Variants in CLPB observed in about 807,000 individuals in gnomAD.
The protein encoded by CLPB is mitochondrial disaggregase.
CLPB carries 40 observed loss-of-function variants against 78.4 expected under a neutral mutation model. That is an observed-to-expected ratio of 0.51 (90% CI 0.40 to 0.66). The LOEUF is 0.66. Ranked by LOEUF, CLPB falls within the 30% of genes least tolerant of loss-of-function variation. The pLI is 0.00. For synonymous variants in CLPB, 333 were observed against 348.0 expected (o/e 0.96, Z 0.48); for missense variants, 780 against 886.9 (o/e 0.88, Z 1.53).
chr11:72,433,670 C>G (rs1037440583), intron 1 of CLPB, among the ~76,000 whole-genome samples: 1 of 152,018 alleles, frequency 6.6e-6, no homozygotes, highest in Non-Finnish European at 1.5e-5. Context: ...TAGGGGGGAG[C>G]GGTTTGGCAA....
At chr11:72,426,102 C>G (rs1030386868) in intron 2 of CLPB, among the ~76,000 whole-genome samples, 10 of 152,210 alleles carry the variant, frequency 6.6e-5, no homozygotes, top group African/African-American at 2.4e-4. Flanking sequence ...GGCAGGCAGT[C>G]TGAGGCCCAA....
chr11:72,409,651 AG>A (rs1283946312), intron 2 of CLPB, among the ~76,000 whole-genome samples: 5 of 152,070 alleles, frequency 3.3e-5, no homozygotes, highest in Non-Finnish European at 7.4e-5. Context: ...AGAGTGGGTC[AG>A]AAAAATCAGC....
chr11:72,405,658 G>T (rs1855687064), intron 2 of CLPB, among the ~76,000 whole-genome samples: 1 of 152,156 alleles, frequency 6.6e-6, no homozygotes, highest in Admixed American at 6.5e-5. Flanking sequence ...GCCGGGCACG[G>T]TGGCTCACAT....
chr11:72,332,212 GT>G (rs1341790612), intron 5 of CLPB, among the ~76,000 whole-genome samples: 2 of 151,980 alleles, frequency 1.3e-5, no homozygotes, highest in Non-Finnish European at 2.9e-5. Flanking sequence ...GCCGGGCACA[GT>G]GGTTCATGCC....
At chr11:72,352,191 G>T (rs1257911145) in intron 5 of CLPB, among the ~76,000 whole-genome samples, 1 of 152,240 alleles carries the variant, frequency 6.6e-6, no homozygotes, top group Non-Finnish European at 1.5e-5. Flanking sequence ...CACACAGCAA[G>T]AGTTGACTCA....
At position 72,318,780 on chromosome 11, in the gene CLPB, A is replaced by G. The variant is rs548763422; in HGVS notation, c.874-1560T>C. Among the ~76,000 whole-genome samples the G allele has an allele frequency of 2.6e-5, 4 of 152,316 alleles. No homozygotes were observed. The East Asian group carries it at 7.7e-4, about 29-fold the overall frequency. On this transcript the variant is annotated intron_variant, in intron 6 of 15. Coordinates refer to ENST00000538039, the MANE Select transcript of CLPB (RefSeq NM_001258392.3). The stretch of plus-strand genomic sequence containing the variant: ...CATATGGAGCAATAATTCGGCGCCA[A>G]TCCCAGTGGAGTGACACTTGCCGGT...
rs1178596032 is a variant in CLPB at position 72,287,926 on chromosome 11, T to C, written c.*5441A>G. On this transcript the variant is annotated 3_prime_UTR_variant, in exon 16 of 16. Coordinates refer to ENST00000538039, the MANE Select transcript of CLPB (RefSeq NM_001258392.3). Reference sequence around the variant, plus strand: ...GCTCAGGAGGTTTTATCTATTTTATTGGTGCTTTCAAAGAATTTTTTAATT... The same window carrying C: ...GCTCAGGAGGTTTTATCTATTTTATCGGTGCTTTCAAAGAATTTTTTAATT... The C allele has an allele frequency of 1.3e-5, 2 of 152,204 alleles. No homozygotes were observed. Among genetic ancestry groups the C allele is most frequent in the African/African-American group, 4.8e-5 (2 of 41,474 alleles). The allele number at this position is 152,204 out of a possible 1,614,324, so 9.4% of individuals were successfully genotyped here. A position where few individuals can be genotyped will look rare whatever the true frequency, so the allele number is the denominator to read the frequency against.
chr11:72,433,659 G>T (rs982972584), intron 1 of CLPB, among the ~76,000 whole-genome samples: 34 of 152,200 alleles, frequency 2.2e-4, no homozygotes, highest in African/African-American at 7.9e-4. Context: ...GTGGCGGGGG[G>T]TAGGGGGGAG....
At chr11:72,433,564 TAAATAAATAAA>T (rs1565107161) in intron 1 of CLPB, among the ~76,000 whole-genome samples, 5 of 149,506 alleles carry the variant, frequency 3.3e-5, no homozygotes, top group Admixed American at 6.7e-5. Context: ...AATAAATAAA[TAAATAAATAAA>T]TAAATAAATA....
intron 4 of CLPB, among the ~76,000 whole-genome samples, chr11:72,375,624 C>T (rs537251831): frequency 6.6e-6 from 1 of 152,340 alleles, no homozygotes; most frequent in Admixed American, 6.5e-5. Flanking sequence ...ATACTTACAG[C>T]AGTGCTGCCT....
intron 5 of CLPB, among the ~76,000 whole-genome samples, chr11:72,346,628 T>A (rs1950519279): frequency 6.7e-6 from 1 of 150,192 alleles, no homozygotes; most frequent in Non-Finnish European, 1.5e-5. Context: ...TGGCCAAATA[T>A]GAGGCAATGA....
intron 7 of CLPB, among the ~76,000 whole-genome samples, chr11:72,313,162 T>C (rs191071307): frequency 6.6e-6 from 1 of 152,308 alleles, no homozygotes; most frequent in African/African-American, 2.4e-5. Context: ...TTGTCACATG[T>C]CTGTGGCATC....
At chr11:72,417,506 GAAC>G (rs1856058513) in intron 2 of CLPB, among the ~76,000 whole-genome samples, 1 of 152,272 alleles carries the variant, frequency 6.6e-6, no homozygotes, top group Middle Eastern at 3.4e-3. Context: ...GAGAGTGATA[GAAC>G]ATTCTGGAAT....
At chr11:72,402,410 G>A (rs1476884686) in intron 3 of CLPB, among the ~76,000 whole-genome samples, 1 of 152,176 alleles carries the variant, frequency 6.6e-6, no homozygotes, top group East Asian at 1.9e-4. Context: ...TTTGTGGAGT[G>A]ATTGTGAGAA....
At chr11:72,388,336 C>T (rs572441941) in intron 3 of CLPB, among the ~76,000 whole-genome samples, 41 of 151,544 alleles carry the variant, frequency 2.7e-4, no homozygotes, top group African/African-American at 9.5e-4. Flanking sequence ...CTGCCAGCTC[C>T]GCCTCCCGGG....
intron 5 of CLPB, among the ~76,000 whole-genome samples, chr11:72,350,538 T>C (rs970043186): frequency 7.9e-5 from 12 of 152,228 alleles, no homozygotes; most frequent in African/African-American, 2.9e-4. Flanking sequence ...CTAACATCTA[T>C]ATTCTACCAG....
At chr11:72,347,892 G>A (rs766104684) in intron 5 of CLPB, among the ~76,000 whole-genome samples, 3 of 152,170 alleles carry the variant, frequency 2.0e-5, no homozygotes, top group Non-Finnish European at 4.4e-5. Context: ...ATGAGGAAAC[G>A]TGAAAAAGAT....
chr11:72,430,523 C>T, intron 1 of CLPB, 160 bp from the exon 2 acceptor site: 1 of 616,304 alleles, frequency 1.6e-6, no homozygotes, highest in East Asian at 2.9e-5. Context: ...CATTCCCTCC[C>T]CACATGGTGT....
chr11:72,377,191 A>G (rs984922043), intron 4 of CLPB, among the ~76,000 whole-genome samples: 2 of 152,240 alleles, frequency 1.3e-5, no homozygotes, highest in Non-Finnish European at 2.9e-5. Context: ...AGGATGGAAA[A>G]GAATGAAGGT....
Sources: gnomAD v4.1 joint callset for allele counts (sites outside exome capture counted in the v4.1 genomes callset) on GRCh38, gnomAD v4.1.1 for gene constraint, MANE v1.5 for transcripts, NCBI Gene and HGNC (gene_info 2026-07-23, HGNC 2026-07-21) for gene names.